The following PCDH17 variants were observed in gnomAD, a reference collection of about 807,000 sequenced individuals.
The protein encoded by PCDH17 is protocadherin 17.
PCDH17 carries 21 observed loss-of-function variants against 67.7 expected under a neutral mutation model. The observed-to-expected ratio is 0.31, with a 90% CI of 0.22 to 0.45. The LOEUF (loss-of-function observed/expected upper bound fraction) is 0.45, where lower values mean the gene tolerates loss of function less well. Among genes scored for constraint, PCDH17 ranks in the 20% least tolerant of loss-of-function variants. The pLI, the probability that PCDH17 is intolerant of heterozygous loss-of-function variation, is 1.00. For synonymous variants in PCDH17, 701 were observed against 656.7 expected (o/e 1.07, Z -1.03); for missense variants, 1,471 against 1,564.8 (o/e 0.94, Z 1.01).
chr13:57,701,956 T>A (rs567400669), intron 3 of PCDH17, among the ~76,000 whole-genome samples: 52 of 152,192 alleles, frequency 3.4e-4, no homozygotes, highest in Middle Eastern at 3.4e-3. Flanking sequence ...CTTGCTCTGT[T>A]GCCCAGGCTG....
At chr13:57,631,472 A>G (rs1593883797), upstream of PCDH17, among the ~76,000 whole-genome samples, 1 of 152,148 alleles carries the variant, frequency 6.6e-6, no homozygotes, top group East Asian at 1.9e-4. Context: ...AGCAAACTGG[A>G]ATTAAACTGC....
rs749267610 is a variant in PCDH17 at position 57,633,069 on chromosome 13, G to C, written c.523G>C (p.Asp175His). 2.5e-6 allele frequency: 4 copies of C among 1,613,238 alleles called. No homozygotes were observed. Among genetic ancestry groups the C allele is most frequent in the African/African-American group, 1.3e-5 (1 of 74,986 alleles). Residue 175 changes from aspartate (D) to histidine (H), a missense_variant, in exon 1 of 4, where the codon GAT (aspartate) becomes CAT (histidine). Physicochemically the swap from Asp to His is moderately conservative, Grantham distance 81. Around this residue, in one of 3 missense-constraint regions of PCDH17, gnomAD observed 1,163 missense variants for 1,230.0 expected, o/e 0.95. Transcript: ENST00000377918. This position sits in a 1 kb window ranked among gnomAD's most constrained non-coding sequence, Gnocchi z 6.2. ...CCGCACCTACCTGCTCACGCGCGAC[G>C]ATCACGGCCTCTTTGGACTGGACGT... Reference protein sequence around the residue: ...GLRTYLLTRDDHGLFGLDVKS... With the variant: ...GLRTYLLTRDHHGLFGLDVKS...
At chr13:57,688,373 T>C (rs1001461461) in intron 3 of PCDH17, among the ~76,000 whole-genome samples, 2 of 152,066 alleles carry the variant, frequency 1.3e-5, no homozygotes, top group African/African-American at 4.8e-5. Flanking sequence ...TTAAGTGTGA[T>C]AAAATTTCCC....
intron 3 of PCDH17, among the ~76,000 whole-genome samples, chr13:57,716,448 C>T (rs1032554412): frequency 3.3e-5 from 5 of 151,838 alleles, no homozygotes; most frequent in African/African-American, 1.2e-4. Flanking sequence ...GTGCACATTC[C>T]CATGTGAGGT....
chr13:57,645,235 G>C lies in PCDH17; in HGVS notation c.2565+10124G>C, dbSNP rs189810851. ...GTAAGATTAGTTATTTTTTCTCAAA[G>C]CAGTCTAGATAGTAGAATACTCGAA... On this transcript the variant is annotated intron_variant, in intron 1 of 3. Transcript: ENST00000377918. Among the ~76,000 whole-genome samples, 65 of 151,708 alleles carry C rather than the reference G, an allele frequency of 4.3e-4. 1 individual carries two copies. Among genetic ancestry groups the C allele is most frequent in the African/African-American group, 1.5e-3 (64 of 41,478 alleles).
intron 3 of PCDH17, among the ~76,000 whole-genome samples, chr13:57,686,212 G>T (rs1206533200): frequency 6.6e-6 from 1 of 151,982 alleles, no homozygotes; most frequent in African/African-American, 2.4e-5. Context: ...CCAACTAGTT[G>T]TGAGGTAGTT....
At position 57,724,399 on chromosome 13, in the gene PCDH17, C is replaced by A. The variant is rs969538118; in HGVS notation, c.2798-213C>A. 4.6e-5 allele frequency among the ~76,000 whole-genome samples: 7 copies of A among 152,276 alleles called. No homozygotes were observed. The East Asian group carries it at 1.4e-3, about 29-fold the overall frequency. ...TACTTCTTCCCAGGCTGTGGGAATT[C>A]ATTAATCTCTAGAGAATAGACTTAA... On this transcript the variant is annotated intron_variant, in intron 3 of 3. Transcript: ENST00000377918.
chr13:57,723,250 C>T (rs1049803847), intron 3 of PCDH17, among the ~76,000 whole-genome samples: 2 of 100,400 alleles, frequency 2.0e-5, no homozygotes, highest in African/African-American at 9.3e-5. Flanking sequence ...TCTCAAGACA[C>T]CATTTTGATT....
chr13:57,706,174 T>C (rs561595747), intron 3 of PCDH17, among the ~76,000 whole-genome samples: 2 of 152,258 alleles, frequency 1.3e-5, no homozygotes, highest in African/African-American at 4.8e-5. Context: ...AAAATATTTG[T>C]TTCAAAGTAT....
intron 1 of PCDH17, among the ~76,000 whole-genome samples, chr13:57,665,385 A>G (rs939912413): frequency 6.6e-6 from 1 of 152,080 alleles, no homozygotes; most frequent in African/African-American, 2.4e-5. Context: ...GAAGAAGAAA[A>G]AAAGAATATC....
chr13:57,712,019 G>A (rs1351532279), intron 3 of PCDH17, among the ~76,000 whole-genome samples: 1 of 151,490 alleles, frequency 6.6e-6, no homozygotes. Flanking sequence ...TAGATAGAAA[G>A]TTTCTTTTTA....
At chr13:57,712,270 G>A (rs934890478) in intron 3 of PCDH17, among the ~76,000 whole-genome samples, 1 of 151,642 alleles carries the variant, frequency 6.6e-6, no homozygotes, top group Non-Finnish European at 1.5e-5. Flanking sequence ...CACATTCACG[G>A]TTAGAGTGAA....
intron 3 of PCDH17, among the ~76,000 whole-genome samples, chr13:57,674,419 TG>T (rs1230902711): frequency 6.6e-6 from 1 of 151,938 alleles, no homozygotes; most frequent in Non-Finnish European, 1.5e-5. Context: ...CTTGATCTCC[TG>T]GGCTCAAGTG....
At chr13:57,681,964 T>C (rs1164640729) in intron 3 of PCDH17, among the ~76,000 whole-genome samples, 1 of 151,788 alleles carries the variant, frequency 6.6e-6, no homozygotes, top group Non-Finnish European at 1.5e-5. Flanking sequence ...TGTACAAAAC[T>C]CTGTAGTCCA....
intron 3 of PCDH17, among the ~76,000 whole-genome samples, chr13:57,680,817 A>G (rs1282928385): frequency 6.6e-6 from 1 of 151,678 alleles, no homozygotes; most frequent in African/African-American, 2.4e-5. Flanking sequence ...TGCAATATCG[A>G]TTTCTGTTTG....
chr13:57,656,496 A>G (rs1955105956), intron 1 of PCDH17, among the ~76,000 whole-genome samples: 1 of 152,096 alleles, frequency 6.6e-6, no homozygotes, highest in South Asian at 2.1e-4. Flanking sequence ...TACCGAGAAT[A>G]TTAGAAGAAG....
intron 1 of PCDH17, among the ~76,000 whole-genome samples, chr13:57,659,013 T>G (rs1267461554): frequency 6.6e-6 from 1 of 152,098 alleles, no homozygotes; most frequent in African/African-American, 2.4e-5. Context: ...GTCAGAATTG[T>G]TCCTTTCATA....
upstream of PCDH17, among the ~76,000 whole-genome samples, chr13:57,630,991 C>G (rs1001499652): frequency 2.6e-5 from 4 of 152,120 alleles, no homozygotes; most frequent in African/African-American, 7.2e-5. Context: ...GTAGGAGCCC[C>G]TGGCTGGACC....
intron 3 of PCDH17, among the ~76,000 whole-genome samples, chr13:57,691,558 A>T (rs1955559584): frequency 6.6e-6 from 1 of 151,294 alleles, no homozygotes; most frequent in African/African-American, 2.4e-5. Flanking sequence ...TTTTAATGTT[A>T]AAGCTTTTAA....
Sources: allele counts gnomAD v4.1 joint callset (sites outside exome capture counted in the v4.1 genomes callset), GRCh38; gene constraint gnomAD v4.1.1; regional missense constraint gnomAD v4.1.1; non-coding constraint Gnocchi (gnomAD v3.1); transcripts MANE v1.5; gene names NCBI Gene and HGNC (gene_info 2026-07-23, HGNC 2026-07-21).